The following SKI variants were observed in gnomAD, a reference collection of about 807,000 sequenced individuals.
SKI encodes the protein ski oncogene.
Under a neutral mutation model 59.3 loss-of-function variants are expected in SKI, and 23 were observed. The observed-to-expected ratio is 0.39, with a 90% CI of 0.28 to 0.55. The LOEUF is 0.55. SKI is among the 20% of genes least tolerant of loss of function. The pLI is 0.67. For synonymous variants in SKI, 673 were observed against 488.6 expected (o/e 1.38, Z -4.98); for missense variants, 1,017 against 1,038.9 (o/e 0.98, Z 0.29).
At chr1:2,259,637 T>C (rs1207157919) in intron 1 of SKI, among the ~76,000 whole-genome samples, 1 of 152,192 alleles carries the variant, frequency 6.6e-6, no homozygotes, top group Non-Finnish European at 1.5e-5. Flanking sequence ...ATATAAAACA[T>C]GTATAAAACC....
chr1:2,240,792 G>A, intron 1 of SKI: 4 of 985,452 alleles, frequency 4.1e-6, no homozygotes, highest in African/African-American at 1.7e-5. Context: ...TCGTGAGTCA[G>A]GTGAGAGGCG....
At chr1:2,239,606 G>T (rs79642778) in intron 1 of SKI, among the ~76,000 whole-genome samples, 1,554 of 152,396 alleles carry the variant, frequency 0.01, 18 homozygotes, top group African/African-American at 0.035. Flanking sequence ...GACCCGCAAG[G>T]TGTGCAGTGG....
intron 1 of SKI, among the ~76,000 whole-genome samples, chr1:2,246,283 T>A (rs1465934375): frequency 6.6e-6 from 1 of 152,168 alleles, no homozygotes; most frequent in Non-Finnish European, 1.5e-5. Context: ...CCCTGATGAT[T>A]AGTATGTTGG....
intron 1 of SKI, chr1:2,240,494 G>A: frequency 1.0e-6 from 1 of 985,440 alleles, no homozygotes; most frequent in African/African-American, 1.7e-5. Flanking sequence ...AGGTCCCGTG[G>A]GTGGTGGCGG....
At chr1:2,234,083 C>G (rs561645533) in intron 1 of SKI, among the ~76,000 whole-genome samples, 4 of 152,218 alleles carry the variant, frequency 2.6e-5, no homozygotes, top group Non-Finnish European at 4.4e-5. Flanking sequence ...CCCTGGTCCC[C>G]GTGCAGAAGG....
At chr1:2,285,710 C>G (rs1640025531) in intron 1 of SKI, among the ~76,000 whole-genome samples, 1 of 150,586 alleles carries the variant, frequency 6.6e-6, no homozygotes, top group African/African-American at 2.4e-5. Context: ...ATTACAGGTG[C>G]CCGCCACCAT....
chr1:2,233,922 C>T (rs186493562), intron 1 of SKI, among the ~76,000 whole-genome samples: 3 of 152,326 alleles, frequency 2.0e-5, no homozygotes, highest in South Asian at 2.1e-4. Flanking sequence ...CTCCCAGACA[C>T]CCTCAGGTCC....
intron 1 of SKI, among the ~76,000 whole-genome samples, chr1:2,256,259 C>T (rs887146940): frequency 2.6e-5 from 4 of 152,216 alleles, no homozygotes; most frequent in Admixed American, 6.5e-5. Context: ...ACCTCATTTC[C>T]TGTCTGGAGC....
intron 1 of SKI, among the ~76,000 whole-genome samples, chr1:2,262,849 C>T (rs893114702): frequency 6.6e-6 from 1 of 152,104 alleles, no homozygotes; most frequent in Non-Finnish European, 1.5e-5. Context: ...CCTGGGATAG[C>T]CCCCCTTCAG....
At chr1:2,291,121 A>G (rs903920) in intron 1 of SKI, among the ~76,000 whole-genome samples, 133,644 of 152,274 alleles carry the variant, frequency 0.88, 58,872 homozygotes, top group African/African-American at 0.95. Flanking sequence ...ACGAGCTGCG[A>G]ATGCAGGCGC....
intron 1 of SKI, among the ~76,000 whole-genome samples, chr1:2,248,263 T>A (rs1189678871): frequency 6.6e-6 from 1 of 152,182 alleles, no homozygotes; most frequent in Non-Finnish European, 1.5e-5. Flanking sequence ...TCTCCGGGGC[T>A]GCCCGGACTC....
In SKI at chr1:2,297,277, C is replaced by T. The variant is rs542692620; in HGVS notation, c.970-5701C>T. Among the ~76,000 whole-genome samples the T allele has an allele frequency of 1.1e-3, 163 of 152,282 alleles. 1 individual carries two copies. The highest frequency in any genetic ancestry group is 3.8e-3 in the African/African-American group (159 of 41,560). ...ATAAGCCACCACGCCGGGCCCACGG[C>T]TGAAGTTTGGGTTGTATCCTTTTAA... On this transcript the variant is annotated intron_variant, in intron 1 of 6. Coordinates refer to ENST00000378536, the MANE Select transcript of SKI (RefSeq NM_003036.4).
chr1:2,283,380 A>G (rs1195486847), intron 1 of SKI, among the ~76,000 whole-genome samples: 2 of 152,102 alleles, frequency 1.3e-5, no homozygotes, highest in Non-Finnish European at 2.9e-5. Context: ...CCTGAGGAGT[A>G]TGTCTCTGTG....
rs1639530040 is a variant in SKI at position 2,267,741 on chromosome 1, T to C, written c.970-35237T>C. Reference sequence around the variant, plus strand: ...AACGCAGCTGGGACATCCTGAGGTGTGTGAGGCTGATGCATGGGCCTTTCT... The same window carrying C: ...AACGCAGCTGGGACATCCTGAGGTGCGTGAGGCTGATGCATGGGCCTTTCT... On this transcript the variant is annotated intron_variant, in intron 1 of 6. Transcript: ENST00000378536. The surrounding 1 kb of genome is among the most constrained non-coding windows in gnomAD (Gnocchi z 4.1). Among the ~76,000 whole-genome samples, 1 of 152,146 alleles carries C rather than the reference T, an allele frequency of 6.6e-6. No individual in the cohort carries two copies. The highest frequency in any genetic ancestry group is 1.5e-5 in the Non-Finnish European group (1 of 68,024).
At chr1:2,240,880 A>G (rs1232986640) in intron 1 of SKI, 27 of 854,986 alleles carry the variant, frequency 3.2e-5, no homozygotes, top group Non-Finnish European at 3.7e-5. Flanking sequence ...CTGCTGGGGA[A>G]GTGGCCCTGC....
intron 1 of SKI, among the ~76,000 whole-genome samples, chr1:2,251,307 G>A (rs1223572759): frequency 2.0e-5 from 3 of 152,076 alleles, no homozygotes; most frequent in Non-Finnish European, 4.4e-5. Context: ...ATTTTTTGTA[G>A]AGATGGGGTC....
At chr1:2,237,498 TAAG>T (rs1206521638) in intron 1 of SKI, among the ~76,000 whole-genome samples, 1 of 152,152 alleles carries the variant, frequency 6.6e-6, no homozygotes, top group Non-Finnish European at 1.5e-5. Flanking sequence ...GTGATGAGAA[TAAG>T]AAGCGGCTGT....
At chr1:2,257,507 C>CGCCTCCTCCCAGCT (rs1553194013) in intron 1 of SKI, among the ~76,000 whole-genome samples, 2 of 152,244 alleles carry the variant, frequency 1.3e-5, no homozygotes, top group African/African-American at 4.8e-5. Context: ...GGCCCCCAGC[C>CGCCTCCTCCCAGCT]GCCTCCTCCC....
Position 2,308,563 on chromosome 1 carries a change from A to C in SKI, c.*1798A>C, listed in dbSNP as rs1354999673. 6.6e-6 allele frequency: 1 copy of C among 152,054 alleles called. No individual in the cohort carries two copies. Among genetic ancestry groups the C allele is most frequent in the African/African-American group, 2.4e-5 (1 of 41,410 alleles). 9.4% of individuals were successfully genotyped at this position (152,054 alleles called of 1,614,324 possible). A position where few individuals can be genotyped will look rare whatever the true frequency, so the allele number is the denominator to read the frequency against. On this transcript the variant is annotated 3_prime_UTR_variant, in exon 7 of 7. Coordinates refer to ENST00000378536, the MANE Select transcript of SKI (RefSeq NM_003036.4). The stretch of plus-strand genomic sequence containing the variant: ...TTGTAAAGGGTCGGTTTTGTTATGC[A>C]ACATGCAGAATGCTGTTTTTAGCCT...
Sources: gnomAD v4.1 joint callset for allele counts (sites outside exome capture counted in the v4.1 genomes callset) on GRCh38, gnomAD v4.1.1 for gene constraint, Gnocchi (gnomAD v3.1) non-coding constraint, MANE v1.5 for transcripts, NCBI Gene and HGNC (gene_info 2026-07-23, HGNC 2026-07-21) for gene names.